The following GAP43 variants were observed in gnomAD, a reference collection of about 807,000 sequenced individuals.
GAP43 encodes neuromodulin.
In GAP43, 6 loss-of-function variants were observed where a neutral mutation model predicts 18.6. That is an observed-to-expected ratio of 0.32 (90% CI 0.18 to 0.64). The LOEUF (loss-of-function observed/expected upper bound fraction) is 0.64, where lower values mean the gene tolerates loss of function less well. Among genes scored for constraint, GAP43 ranks in the 30% least tolerant of loss-of-function variants. GAP43 has a pLI of 0.78. For missense variants in GAP43, 292 were observed against 295.5 expected (o/e 0.99, Z 0.09); for synonymous variants, 115 against 111.4 (o/e 1.03, Z -0.20).
chr3:115,689,047 G>A (rs1298538397), intron 2 of GAP43, among the ~76,000 whole-genome samples: 1 of 152,048 alleles, frequency 6.6e-6, no homozygotes, highest in Non-Finnish European at 1.5e-5. Flanking sequence ...CCTGTCCCAG[G>A]GCCTTTACAC....
At chr3:115,671,843 T>TA (rs1708818077) in intron 1 of GAP43, among the ~76,000 whole-genome samples, 1 of 152,236 alleles carries the variant, frequency 6.6e-6, no homozygotes, top group African/African-American at 2.4e-5. Flanking sequence ...CTCACAGTTT[T>TA]AGAGTGTTGT....
At chr3:115,670,796 A>C (rs1470223095) in intron 1 of GAP43, among the ~76,000 whole-genome samples, 1 of 152,192 alleles carries the variant, frequency 6.6e-6, no homozygotes, top group Non-Finnish European at 1.5e-5. Context: ...TCTGATAGGC[A>C]TGAAAACTAC....
Position 115,717,465 on chromosome 3 carries a change from A to G in GAP43, c.629-3329A>G, listed in dbSNP as rs534944013. Reference sequence around the variant, plus strand: ...GCTGGGATTATAGGCACATGCCACTATGCCCAGCTACTTTTATATTTTTAG... The same window carrying G: ...GCTGGGATTATAGGCACATGCCACTGTGCCCAGCTACTTTTATATTTTTAG... On this transcript the variant is annotated intron_variant, in intron 2 of 2. Coordinates refer to ENST00000305124, the MANE Select transcript of GAP43 (RefSeq NM_002045.4). 3.3e-5 allele frequency among the ~76,000 whole-genome samples: 5 copies of G among 152,098 alleles called. No individual in the cohort carries two copies. In the South Asian group the frequency reaches 6.2e-4, roughly 19 times the overall value.
intron 1 of GAP43, among the ~76,000 whole-genome samples, chr3:115,673,661 A>G (rs1436272744): frequency 6.6e-6 from 1 of 152,162 alleles, no homozygotes; most frequent in Non-Finnish European, 1.5e-5. Flanking sequence ...TCCATCTCTG[A>G]GCAGAGAACT....
intron 2 of GAP43, among the ~76,000 whole-genome samples, chr3:115,682,353 A>G (rs1244183209): frequency 6.6e-6 from 1 of 152,186 alleles, no homozygotes; most frequent in East Asian, 1.9e-4. Context: ...TCATATCTCA[A>G]TCAGATGAAA....
intron 1 of GAP43, among the ~76,000 whole-genome samples, chr3:115,653,126 T>G (rs1708541859): frequency 6.6e-6 from 1 of 152,098 alleles, no homozygotes; most frequent in South Asian, 2.1e-4. Flanking sequence ...GCATATAAAT[T>G]TTTGTCTTTT....
rs1709536565 is a variant in GAP43 at position 115,718,289 on chromosome 3, C to T, written c.629-2505C>T. 2.0e-5 allele frequency among the ~76,000 whole-genome samples: 3 copies of T among 152,236 alleles called. No individual in the cohort carries two copies. The South Asian group carries it at 6.2e-4, about 32-fold the overall frequency. ...TGGAACTGATAAGGATGGTAAACTA[C>T]CTTGGGCATACTTGTAATATCCAAA... On this transcript the variant is annotated intron_variant, in intron 2 of 2. Coordinates refer to ENST00000305124, the MANE Select transcript of GAP43 (RefSeq NM_002045.4).
intron 2 of GAP43, among the ~76,000 whole-genome samples, chr3:115,711,205 A>G (rs1709432945): frequency 6.6e-6 from 1 of 152,196 alleles, no homozygotes; most frequent in African/African-American, 2.4e-5. Context: ...GTTCTTAAAT[A>G]AAGCTATAAA....
chr3:115,713,796 T>C (rs920787532), intron 2 of GAP43, among the ~76,000 whole-genome samples: 11 of 152,206 alleles, frequency 7.2e-5, no homozygotes, highest in Non-Finnish European at 1.5e-4. Flanking sequence ...AGAGATAACT[T>C]AGATCTTTAT....
At chr3:115,655,704 A>G (rs6780572) in intron 1 of GAP43, among the ~76,000 whole-genome samples, 9,203 of 152,324 alleles carry the variant, frequency 0.06, 348 homozygotes, top group Middle Eastern at 0.14. Flanking sequence ...AAATGTGATA[A>G]AACACTGAAA....
chr3:115,637,877 A>T (rs558871981), intron 1 of GAP43, among the ~76,000 whole-genome samples: 1 of 152,076 alleles, frequency 6.6e-6, no homozygotes, highest in South Asian at 2.1e-4. Context: ...TCTTTTTTTC[A>T]TTGGATGCTA....
chr3:115,692,021 G>C (rs1278370423), intron 2 of GAP43, among the ~76,000 whole-genome samples: 1 of 152,190 alleles, frequency 6.6e-6, no homozygotes, highest in Non-Finnish European at 1.5e-5. Flanking sequence ...AACTGGATGG[G>C]CTTCAGGAGG....
intron 2 of GAP43, among the ~76,000 whole-genome samples, chr3:115,681,549 G>T (rs1267972077): frequency 6.6e-6 from 1 of 152,116 alleles, no homozygotes; most frequent in African/African-American, 2.4e-5. Context: ...AGAGACCAGG[G>T]TTCTAGTCTC....
intron 2 of GAP43, among the ~76,000 whole-genome samples, chr3:115,690,825 A>G (rs1384980872): frequency 1.5e-5 from 2 of 135,570 alleles, no homozygotes; most frequent in Non-Finnish European, 1.5e-5. Flanking sequence ...GTGCAATCTC[A>G]GCTCACTGCA....
At chr3:115,688,232 A>G (rs367545226) in intron 2 of GAP43, among the ~76,000 whole-genome samples, 38 of 152,162 alleles carry the variant, frequency 2.5e-4, no homozygotes, top group African/African-American at 8.4e-4. Flanking sequence ...TGGTTTCACC[A>G]GGTCTCAAGC....
At chr3:115,626,125 G>A (rs982282953) in intron 1 of GAP43, among the ~76,000 whole-genome samples, 1 of 152,168 alleles carries the variant, frequency 6.6e-6, no homozygotes, top group African/African-American at 2.4e-5. Flanking sequence ...GAGTACTTAA[G>A]TCTCACGCAG....
chr3:115,677,475 T>C (rs1232745989), intron 2 of GAP43, among the ~76,000 whole-genome samples: 2 of 152,190 alleles, frequency 1.3e-5, no homozygotes, highest in Non-Finnish European at 2.9e-5. Flanking sequence ...TGGAATAGAA[T>C]ATTCCCAGAG....
At chr3:115,641,283 A>T (rs1708392047) in intron 1 of GAP43, among the ~76,000 whole-genome samples, 1 of 151,444 alleles carries the variant, frequency 6.6e-6, no homozygotes, top group Non-Finnish European at 1.5e-5. Flanking sequence ...CTGGTTCCAT[A>T]TGGCACTCAC....
chr3:115,683,073 A>C (rs1708975797), intron 2 of GAP43, among the ~76,000 whole-genome samples: 1 of 152,032 alleles, frequency 6.6e-6, no homozygotes, highest in Non-Finnish European at 1.5e-5. Flanking sequence ...ACTATTATTC[A>C]GATATTAACA....
Sources: allele counts gnomAD v4.1 joint callset (sites outside exome capture counted in the v4.1 genomes callset), GRCh38; gene constraint gnomAD v4.1.1; transcripts MANE v1.5; gene names NCBI Gene and HGNC (gene_info 2026-07-23, HGNC 2026-07-21).